GMDS: variants seen among roughly 807,000 people sequenced by gnomAD.
The protein encoded by GMDS is GDP-mannose 4,6 dehydratase.
GMDS carries 20 observed loss-of-function variants against 49.9 expected under a neutral mutation model. The observed-to-expected ratio is 0.40, with a 90% CI of 0.28 to 0.58. GMDS has a LOEUF of 0.58. GMDS is among the 20% of genes least tolerant of loss of function. The pLI is 0.42. For synonymous variants in GMDS, 177 were observed against 178.6 expected (o/e 0.99, Z 0.07); for missense variants, 362 against 481.4 (o/e 0.75, Z 2.32).
chr6:1,716,497 G>A (rs1196006534), intron 9 of GMDS, among the ~76,000 whole-genome samples: 5 of 152,174 alleles, frequency 3.3e-5, no homozygotes, highest in African/African-American at 1.2e-4. Context: ...GAAAGAAAAA[G>A]GCAAGAAAAT....
intron 7 of GMDS, among the ~76,000 whole-genome samples, chr6:1,783,031 T>G (rs552800875): frequency 1.3e-5 from 2 of 152,146 alleles, no homozygotes; most frequent in African/African-American, 4.8e-5. Context: ...AGCATGCAAC[T>G]GTGGTCCCAG....
At chr6:2,090,453 A>G (rs1220224539) in intron 4 of GMDS, among the ~76,000 whole-genome samples, 1 of 152,248 alleles carries the variant, frequency 6.6e-6, no homozygotes, top group African/African-American at 2.4e-5. Flanking sequence ...CCAACAGTAC[A>G]TAGAAAATAC....
At chr6:2,033,433 T>C (rs1769091049) in intron 4 of GMDS, among the ~76,000 whole-genome samples, 1 of 152,174 alleles carries the variant, frequency 6.6e-6, no homozygotes, top group South Asian at 2.1e-4. Context: ...TTTCCAGACT[T>C]TCTGAAAAAG....
intron 9 of GMDS, among the ~76,000 whole-genome samples, chr6:1,649,691 T>C (rs569516389): frequency 7.9e-5 from 12 of 152,342 alleles, no homozygotes; most frequent in African/African-American, 2.9e-4. Flanking sequence ...TTCCAACTCA[T>C]TCTCAAACAC....
chr6:1,626,123 T>G (rs1762843703), intron 9 of GMDS: 1 of 152,272 alleles, frequency 6.6e-6, no homozygotes, highest in Admixed American at 6.5e-5. Context: ...TCACCTTCTC[T>G]GCTGAGCCTT....
intron 1 of GMDS, among the ~76,000 whole-genome samples, chr6:2,128,477 G>T (rs775671167): frequency 2.6e-5 from 4 of 152,018 alleles, no homozygotes; most frequent in Non-Finnish European, 4.4e-5. Flanking sequence ...TCCTACTCTC[G>T]CAAGAACTAA....
intron 4 of GMDS, among the ~76,000 whole-genome samples, chr6:2,051,978 G>A (rs1052941899): frequency 1.3e-4 from 19 of 151,962 alleles, no homozygotes; most frequent in African/African-American, 3.9e-4. Context: ...TTAGTCGGGC[G>A]TGGTGGCAAG....
rs986113787 is a variant in GMDS at position 2,001,132 on chromosome 6, T to C, written c.346-40166A>G. On this transcript the variant is annotated intron_variant, in intron 4 of 10. Coordinates refer to ENST00000380815, the MANE Select transcript of GMDS (RefSeq NM_001500.4). ...CAGTAGTGTACGAGATTTCCAATTC[T>C]CTAATTTCTTCACCAACACCTGTTA... Among the ~76,000 whole-genome samples the C allele has an allele frequency of 5.3e-5, 8 of 152,200 alleles. No homozygotes were observed. In the South Asian group the frequency reaches 1.2e-3, roughly 24 times the overall value.
At chr6:2,035,205 G>C (rs561107023) in intron 4 of GMDS, among the ~76,000 whole-genome samples, 202 of 152,284 alleles carry the variant, frequency 1.3e-3, no homozygotes, top group Non-Finnish European at 1.7e-3. Context: ...CATGTGGAGG[G>C]AAGGCTTCAT....
At chr6:2,216,633 G>A (rs1321209032) in intron 1 of GMDS, among the ~76,000 whole-genome samples, 1 of 152,222 alleles carries the variant, frequency 6.6e-6, no homozygotes, top group East Asian at 1.9e-4. Context: ...ACTGAGACAG[G>A]AGGAGCACTT....
At chr6:1,961,143 A>C (rs1352029153) in intron 4 of GMDS, among the ~76,000 whole-genome samples, 177 bp from the exon 5 acceptor site, 1 of 152,246 alleles carries the variant, frequency 6.6e-6, no homozygotes, top group Non-Finnish European at 1.5e-5. Context: ...ATTGCTAAAA[A>C]TATCTTAATT....
chr6:1,687,909 G>A (rs542670337), intron 9 of GMDS, among the ~76,000 whole-genome samples: 37 of 152,242 alleles, frequency 2.4e-4, no homozygotes, highest in African/African-American at 3.6e-4. Flanking sequence ...TGTAAGCTGC[G>A]GGAAGGACCT....
chr6:1,892,085 C>T (rs1477399944), intron 7 of GMDS, among the ~76,000 whole-genome samples: 2 of 151,684 alleles, frequency 1.3e-5, no homozygotes, highest in African/African-American at 4.8e-5. Context: ...ATTTTTATAC[C>T]ACAAATCCCA....
intron 9 of GMDS, among the ~76,000 whole-genome samples, chr6:1,657,289 A>G (rs567912225): frequency 1.3e-5 from 2 of 152,346 alleles, no homozygotes; most frequent in African/African-American, 2.4e-5. Context: ...AGGGAGAAAG[A>G]GACAGCGCAG....
Position 2,041,761 on chromosome 6 carries a change from AT to A in GMDS, c.345+74009del, listed in dbSNP as rs369641575. 4.4e-4 allele frequency among the ~76,000 whole-genome samples: 67 copies of A among 152,316 alleles called. No homozygotes were observed. The East Asian group carries it at 8.7e-3, about 20-fold the overall frequency. On this transcript the variant is annotated intron_variant, in intron 4 of 10. Transcript: ENST00000380815. ...AAACATCAATTTTATACCATATGACATTGTAAAAACACATAAATTTGGAAAC... is the reference window on the plus strand; with the variant it reads ...AAACATCAATTTTATACCATATGACATGTAAAAACACATAAATTTGGAAAC...
chr6:2,123,955 A>G (rs1443468872), intron 2 of GMDS, among the ~76,000 whole-genome samples: 3 of 152,122 alleles, frequency 2.0e-5, no homozygotes, highest in Non-Finnish European at 2.9e-5. Flanking sequence ...AAAACAACGT[A>G]CCAACAATTA....
chr6:1,698,134 C>T (rs914954587), intron 9 of GMDS, among the ~76,000 whole-genome samples: 2 of 152,328 alleles, frequency 1.3e-5, no homozygotes, highest in African/African-American at 2.4e-5. Flanking sequence ...CCTCAGCTGG[C>T]GCTCTGGGGC....
At chr6:1,797,428 C>T (rs1393982775) in intron 7 of GMDS, among the ~76,000 whole-genome samples, 2 of 152,114 alleles carry the variant, frequency 1.3e-5, no homozygotes, top group African/African-American at 2.4e-5. Context: ...GACTTGTGTC[C>T]ACCTATGCTG....
At chr6:1,804,161 T>C (rs1475280307) in intron 7 of GMDS, among the ~76,000 whole-genome samples, 6 of 152,272 alleles carry the variant, frequency 3.9e-5, no homozygotes, top group Non-Finnish European at 7.3e-5. Context: ...GCTGTTTCCT[T>C]TTTGTCTTCA....
Sources: gnomAD v4.1 joint callset for allele counts (sites outside exome capture counted in the v4.1 genomes callset) on GRCh38, gnomAD v4.1.1 for gene constraint, MANE v1.5 for transcripts, NCBI Gene and HGNC (gene_info 2026-07-23, HGNC 2026-07-21) for gene names.